Variants in KALRN observed in about 807,000 individuals in gnomAD.
KALRN encodes the protein kalirin RhoGEF kinase.
A neutral mutation model predicts 353.7 loss-of-function variants in KALRN; 70 were observed. The observed-to-expected ratio is 0.20, with a 90% CI of 0.16 to 0.24. KALRN has a LOEUF of 0.24. Ranked by LOEUF, KALRN falls within the 10% of genes least tolerant of loss-of-function variation. KALRN has a pLI of 1.00. For missense variants in KALRN, 2,791 were observed against 3,756.7 expected (o/e 0.74, Z 6.72); for synonymous variants, 1,391 against 1,434.8 (o/e 0.97, Z 0.69).
intron 33 of KALRN, among the ~76,000 whole-genome samples, chr3:124,510,749 T>C (rs1428828396): frequency 6.6e-6 from 1 of 152,178 alleles, no homozygotes; most frequent in Non-Finnish European, 1.5e-5. Context: ...CTAATGCTTA[T>C]TTGTTACCTC....
intron 37 of KALRN, among the ~76,000 whole-genome samples, chr3:124,649,968 T>TAAG (rs1293769056): frequency 3.3e-5 from 1 of 30,370 alleles, no homozygotes; most frequent in Non-Finnish European, 5.7e-5. Flanking sequence ...TAAAATAAAA[T>TAAG]AATAATAATA....
intron 1 of KALRN, among the ~76,000 whole-genome samples, chr3:124,145,541 T>G (rs2067224797): frequency 6.6e-6 from 1 of 152,206 alleles, no homozygotes; most frequent in African/African-American, 2.4e-5. Flanking sequence ...CTGCCCCTCT[T>G]CTTCTGAGTG....
intron 1 of KALRN, among the ~76,000 whole-genome samples, chr3:124,172,714 G>A (rs2072041297): frequency 6.6e-6 from 1 of 152,092 alleles, no homozygotes; most frequent in South Asian, 2.1e-4. Context: ...GGGTGGCTTT[G>A]TGATTATTCT....
intron 34 of KALRN, among the ~76,000 whole-genome samples, chr3:124,572,000 G>A (rs549788198): frequency 2.7e-4 from 41 of 151,654 alleles, no homozygotes; most frequent in Non-Finnish European, 5.2e-4. Context: ...TTTTAATTTG[G>A]GGTGCATGAA....
chr3:124,496,000 T>TAC (rs2063772584), intron 32 of KALRN, among the ~76,000 whole-genome samples: 1 of 56,444 alleles, frequency 1.8e-5, no homozygotes, highest in Non-Finnish European at 3.3e-5. Context: ...TATATATATA[T>TAC]ATATATATAT....
intron 28 of KALRN, among the ~76,000 whole-genome samples, chr3:124,486,865 G>A (rs1164679182): frequency 1.3e-5 from 2 of 152,150 alleles, no homozygotes; most frequent in African/African-American, 4.8e-5. Context: ...TAGCTTATGT[G>A]ACACCTTCCA....
chr3:124,562,789 C>A lies in KALRN; in HGVS notation c.4936-54C>A, dbSNP rs1170720674. 7.9e-6 allele frequency: 10 copies of A among 1,269,174 alleles called. No homozygotes were observed. In the African/African-American group the frequency reaches 1.2e-4, roughly 15 times the overall value. The allele number at this position is 1,269,174 out of a possible 1,614,324, so 78.6% of individuals were successfully genotyped here. On this transcript the variant is annotated intron_variant, in intron 33 of 59. Transcript: ENST00000682506. Reference sequence around the variant, plus strand: ...CTCACCAACCCTCTCCCATATTTCTCCCCCCTTCCTCCATGCCCTCCTGTT... The same window carrying A: ...CTCACCAACCCTCTCCCATATTTCTACCCCCTTCCTCCATGCCCTCCTGTT...
At chr3:124,298,246 T>C (rs887760377) in intron 5 of KALRN, among the ~76,000 whole-genome samples, 4 of 152,156 alleles carry the variant, frequency 2.6e-5, no homozygotes, top group Non-Finnish European at 4.4e-5. Context: ...AAAACCCTCA[T>C]CTTCTGCTTC....
chr3:124,058,535 C>CAATT (rs1477519849), intron 1 of KALRN, among the ~76,000 whole-genome samples: 1 of 152,160 alleles, frequency 6.6e-6, no homozygotes, highest in African/African-American at 2.4e-5. Context: ...AACTCTCCTC[C>CAATT]AATTACCTTT....
intron 5 of KALRN, among the ~76,000 whole-genome samples, chr3:124,286,099 CTTT>C (rs1167146835): frequency 1.2e-3 from 169 of 143,782 alleles, no homozygotes; most frequent in African/African-American, 4.3e-3. Context: ...TTCTTTCTTT[CTTT>C]CTTTCTTTCT....
chr3:124,245,594 C>T (rs538553823), intron 3 of KALRN, among the ~76,000 whole-genome samples: 1 of 152,150 alleles, frequency 6.6e-6, no homozygotes, highest in Non-Finnish European at 1.5e-5. Context: ...TACTAACTTA[C>T]ATTCCCACCA....
At chr3:124,401,019 C>G (rs1576604682) in intron 13 of KALRN, among the ~76,000 whole-genome samples, 1 of 152,116 alleles carries the variant, frequency 6.6e-6, no homozygotes, top group East Asian at 1.9e-4. Flanking sequence ...ACTTTGACAT[C>G]GACTACACCC....
chr3:124,366,740 G>GT (rs921094593), intron 10 of KALRN, among the ~76,000 whole-genome samples: 1 of 152,062 alleles, frequency 6.6e-6, no homozygotes, highest in Non-Finnish European at 1.5e-5. Flanking sequence ...AGACGGGGTG[G>GT]TGGCCGGGCA....
intron 25 of KALRN, among the ~76,000 whole-genome samples, chr3:124,472,410 C>G (rs2061007391): frequency 1.3e-5 from 2 of 152,162 alleles, no homozygotes; most frequent in Admixed American, 6.5e-5. Flanking sequence ...AGGGCCCAGG[C>G]TGGGCACGGT....
intron 6 of KALRN, among the ~76,000 whole-genome samples, chr3:124,320,247 C>T (rs2149364479): frequency 6.6e-6 from 1 of 152,276 alleles, no homozygotes; most frequent in African/African-American, 2.4e-5. Flanking sequence ...GTCGAGAGGA[C>T]AGGGCCCCTT....
intron 34 of KALRN, among the ~76,000 whole-genome samples, chr3:124,576,615 T>C (rs914989828): frequency 1.3e-5 from 2 of 152,202 alleles, no homozygotes; most frequent in East Asian, 1.9e-4. Context: ...CATTCCATTA[T>C]TGGCAGATGT....
At chr3:124,214,599 G>A (rs1459530505) in intron 1 of KALRN, among the ~76,000 whole-genome samples, 1 of 152,204 alleles carries the variant, frequency 6.6e-6, no homozygotes, top group Non-Finnish European at 1.5e-5. Flanking sequence ...ATTACTGGGA[G>A]AGGATTATGA....
At chr3:124,245,764 T>A (rs1381104261) in intron 3 of KALRN, among the ~76,000 whole-genome samples, 1 of 152,142 alleles carries the variant, frequency 6.6e-6, no homozygotes, top group Non-Finnish European at 1.5e-5. Flanking sequence ...CACTGATGAT[T>A]AGTGATGTTG....
intron 33 of KALRN, among the ~76,000 whole-genome samples, chr3:124,507,395 A>T (rs1438243072): frequency 6.6e-6 from 1 of 152,236 alleles, no homozygotes; most frequent in Non-Finnish European, 1.5e-5. Context: ...GGGAATATGA[A>T]GTCCCAACCA....
Sources: allele counts gnomAD v4.1 joint callset (sites outside exome capture counted in the v4.1 genomes callset), GRCh38; gene constraint gnomAD v4.1.1; transcripts MANE v1.5; gene names NCBI Gene and HGNC (gene_info 2026-07-23, HGNC 2026-07-21).